RTF2: variants seen among roughly 807,000 people sequenced by gnomAD.
RTF2 encodes replication termination factor 2.
RTF2 carries 18 observed loss-of-function variants against 38.0 expected under a neutral mutation model. The ratio of observed to expected loss-of-function variants is 0.47; its 90% CI spans 0.33 to 0.70. The LOEUF (loss-of-function observed/expected upper bound fraction) is 0.70. Among genes scored for constraint, RTF2 ranks in the 30% least tolerant of loss-of-function variants. The pLI is 0.02. For synonymous variants in RTF2, 126 were observed against 137.1 expected, an observed-to-expected ratio of 0.92 and a Z score of 0.57; for missense variants, 311 against 379.6, an observed-to-expected ratio of 0.82 and a Z score of 1.50.
At chr20:56,485,972 G>A (rs1982774421) in intron 5 of RTF2, among the ~76,000 whole-genome samples, 1 of 152,172 alleles carries the variant, frequency 6.6e-6, no homozygotes, top group Non-Finnish European at 1.5e-5. Flanking sequence ...GCTTTATAAA[G>A]GGAGGGGCAT....
chr20:56,497,394 G>C, intron 5 of RTF2: 1 of 1,549,640 alleles, frequency 6.5e-7, no homozygotes. Flanking sequence ...TTTATGAGGG[G>C]TTTTGCAAAA....
chr20:56,475,297 C>G (rs1982180951), intron 3 of RTF2, among the ~76,000 whole-genome samples: 1 of 152,128 alleles, frequency 6.6e-6, no homozygotes, highest in South Asian at 2.1e-4. Context: ...ATTTGAGAAC[C>G]ATCAGGCTAG....
intron 5 of RTF2, among the ~76,000 whole-genome samples, chr20:56,485,932 G>T (rs985414744): frequency 6.6e-6 from 1 of 152,186 alleles, no homozygotes; most frequent in Non-Finnish European, 1.5e-5. Flanking sequence ...AGGGGCCAGA[G>T]AACTTTTTTT....
intron 1 of RTF2, chr20:56,470,934 C>G (rs778802949): frequency 1.7e-5 from 4 of 233,538 alleles, no homozygotes; most frequent in Non-Finnish European, 1.8e-5. Flanking sequence ...TGTAATAAAT[C>G]AGCAATGGTA....
chr20:56,496,456 G>A lies in RTF2; in HGVS notation c.477+12267G>A, dbSNP rs770668963. 2.0e-5 allele frequency among the ~76,000 whole-genome samples: 3 copies of A among 152,246 alleles called. No individual in the cohort carries two copies. In the East Asian group the frequency reaches 5.8e-4, roughly 29 times the overall value. ...CCAGCTACTGGGGAGGCTGAGGTGGGAGAATCGCGTGAACCCGGGAGGTGG... is the reference window on the plus strand; with the variant it reads ...CCAGCTACTGGGGAGGCTGAGGTGGAAGAATCGCGTGAACCCGGGAGGTGG... On this transcript the variant is annotated intron_variant, in intron 5 of 8. Coordinates refer to ENST00000357348, the MANE Select transcript of RTF2 (RefSeq NM_016407.5).
chr20:56,491,965 G>A (rs1050809675), intron 5 of RTF2, among the ~76,000 whole-genome samples: 6 of 152,034 alleles, frequency 3.9e-5, no homozygotes, highest in African/African-American at 1.5e-4. Flanking sequence ...TTGAACTTAC[G>A]GTGGAAAGGC....
At chr20:56,501,459 A>T (rs1316221245) in intron 5 of RTF2, among the ~76,000 whole-genome samples, 1 of 152,204 alleles carries the variant, frequency 6.6e-6, no homozygotes, top group Non-Finnish European at 1.5e-5. Flanking sequence ...TGAGTTTTTG[A>T]ACCATTTTTT....
At chr20:56,471,536 C>G (rs952700730) in intron 1 of RTF2, 1 of 152,462 alleles carries the variant, frequency 6.6e-6, no homozygotes, top group African/African-American at 2.4e-5. Context: ...CCACTGCACT[C>G]CAGCCTGGGC....
chr20:56,475,162 T>C (rs972906533), intron 3 of RTF2, among the ~76,000 whole-genome samples: 1 of 152,256 alleles, frequency 6.6e-6, no homozygotes, highest in African/African-American at 2.4e-5. Context: ...GAGGTTCTGA[T>C]TGGCAGTTAA....
chr20:56,518,100 C>T lies in RTF2; in HGVS notation c.756C>T (p.Ser252=). 6.2e-7 allele frequency: 1 copy of T among 1,609,808 alleles called. No homozygotes were observed. The highest frequency in any genetic ancestry group is 2.2e-5 in the East Asian group (1 of 44,850). ...TCATTTTTCTAGCAATGAATGAGAG[C>T]TCTTCTGGAAAAGCTGGGAAGCCTC... ...LAPKSTAMNE[S]SSGKAGKPPC... Residue 252 remains serine (S), a synonymous_variant, in exon 9 of 9, where the codon AGC becomes AGT. Transcript: ENST00000357348.
In RTF2 at chr20:56,477,789, G is replaced by A. The variant is rs142536883; in HGVS notation, c.398+665G>A. Reference sequence around the variant, plus strand: ...CAAAGCGCTGGGATAACATGTGGGAGCCACTGCACCTGATTACAAATGCCA... The same window carrying A: ...CAAAGCGCTGGGATAACATGTGGGAACCACTGCACCTGATTACAAATGCCA... On this transcript the variant is annotated intron_variant, in intron 4 of 8. Transcript: ENST00000357348. 1.1e-3 allele frequency among the ~76,000 whole-genome samples: 164 copies of A among 152,312 alleles called. 1 individual carries two copies. Among genetic ancestry groups the A allele is most frequent in the African/African-American group, 3.5e-3 (144 of 41,580 alleles).
At chr20:56,497,098 C>G in intron 5 of RTF2, 2 of 1,551,700 alleles carry the variant, frequency 1.3e-6, no homozygotes, top group Non-Finnish European at 1.7e-6. Flanking sequence ...GCCACCTTCT[C>G]TGTCTTGGAG....
chr20:56,507,806 G>T (rs1027850857), intron 5 of RTF2, among the ~76,000 whole-genome samples: 1 of 152,158 alleles, frequency 6.6e-6, no homozygotes, highest in Non-Finnish European at 1.5e-5. Context: ...GCCCCACTGG[G>T]CCTTAACTAC....
rs959360010 is a variant in RTF2, at chr20:56,495,108, G to A, written c.477+10919G>A. 56 of 851,570 alleles carry A rather than the reference G, an allele frequency of 6.6e-5. No homozygotes were observed. The Middle Eastern group carries it at 1.5e-3, about 23-fold the overall frequency. 52.8% of individuals were successfully genotyped at this position (851,570 alleles called of 1,614,324 possible). ...ACTAATTCCAGATTACTTTAAACATGATCCTCCGTCTTGCCCACTAGGATT... is the reference window on the plus strand; with the variant it reads ...ACTAATTCCAGATTACTTTAAACATAATCCTCCGTCTTGCCCACTAGGATT... On this transcript the variant is annotated intron_variant, in intron 5 of 8. Coordinates refer to ENST00000357348, the MANE Select transcript of RTF2 (RefSeq NM_016407.5).
chr20:56,484,083 T>C, intron 4 of RTF2, 28 bp from the exon 5 acceptor site: 2 of 1,599,936 alleles, frequency 1.3e-6, no homozygotes, highest in Non-Finnish European at 1.7e-6. Flanking sequence ...ATTAATACAG[T>C]CCTTCCCCCA....
intron 6 of RTF2, among the ~76,000 whole-genome samples, chr20:56,514,797 G>A (rs1038808985): frequency 1.2e-4 from 19 of 152,172 alleles, no homozygotes; most frequent in African/African-American, 4.3e-4. Flanking sequence ...TCAAGGAACG[G>A]TGCCCAAACT....
At chr20:56,493,898 G>C (rs1983336650) in intron 5 of RTF2, among the ~76,000 whole-genome samples, 1 of 152,162 alleles carries the variant, frequency 6.6e-6, no homozygotes, top group African/African-American at 2.4e-5. Flanking sequence ...CTGTTCTTCT[G>C]CATGCAGAGT....
intron 4 of RTF2, among the ~76,000 whole-genome samples, chr20:56,479,456 C>T (rs1334526183): frequency 6.6e-6 from 1 of 152,048 alleles, no homozygotes; most frequent in African/African-American, 2.4e-5. Context: ...AACTCCTGAC[C>T]TCAGATGATC....
At chr20:56,495,687 A>G (rs4810021) in intron 5 of RTF2, among the ~76,000 whole-genome samples, 54,140 of 152,014 alleles carry the variant, frequency 0.36, 10,001 homozygotes, top group East Asian at 0.64. Context: ...TTGAAAATCA[A>G]ACTTGCAGTG....
Sources: gnomAD v4.1 joint callset for allele counts (sites outside exome capture counted in the v4.1 genomes callset) on GRCh38, gnomAD v4.1.1 for gene constraint, MANE v1.5 for transcripts, NCBI Gene and HGNC (gene_info 2026-07-23, HGNC 2026-07-21) for gene names.